The following KIFAP3 variants were observed in gnomAD, a reference collection of about 807,000 sequenced individuals.
KIFAP3 encodes kinesin-associated protein 3.
A neutral mutation model predicts 106.5 loss-of-function variants in KIFAP3; 68 were observed. The observed-to-expected ratio is 0.64, with a 90% CI of 0.53 to 0.78. The LOEUF is 0.78. Ranked by LOEUF, KIFAP3 falls within the 30% of genes least tolerant of loss-of-function variation. The pLI, the probability that KIFAP3 is intolerant of heterozygous loss-of-function variation, is 0.00. For synonymous variants in KIFAP3, 320 were observed against 311.5 expected (o/e 1.03, Z -0.29); for missense variants, 780 against 941.8 (o/e 0.83, Z 2.25).
At chr1:169,939,562 T>C (rs190079376) in intron 19 of KIFAP3, among the ~76,000 whole-genome samples, 2 of 152,312 alleles carry the variant, frequency 1.3e-5, no homozygotes, top group Admixed American at 1.3e-4. Flanking sequence ...CTTAAAGCCA[T>C]GGATCTGGAT....
At chr1:170,017,093 C>A (rs1668560365) in intron 9 of KIFAP3, among the ~76,000 whole-genome samples, 1 of 151,982 alleles carries the variant, frequency 6.6e-6, no homozygotes, top group Admixed American at 6.6e-5. Flanking sequence ...CCCATCTCGA[C>A]TAAAAATACA....
At chr1:170,041,549 G>T in intron 3 of KIFAP3, 4 of 624,650 alleles carry the variant, frequency 6.4e-6, no homozygotes, top group Non-Finnish European at 1.1e-5. Flanking sequence ...ACCCCTCGTA[G>T]GCATCTGCCT....
chr1:169,941,253 C>T (rs1209863772), intron 19 of KIFAP3, among the ~76,000 whole-genome samples: 1 of 152,006 alleles, frequency 6.6e-6, no homozygotes, highest in Non-Finnish European at 1.5e-5. Context: ...CTGAAAAGGC[C>T]CTGTGAGTGC....
intron 17 of KIFAP3, among the ~76,000 whole-genome samples, chr1:169,968,518 C>A (rs935208714): frequency 6.6e-6 from 1 of 151,896 alleles, no homozygotes; most frequent in Admixed American, 6.6e-5. Flanking sequence ...ATTTTTCATA[C>A]TAAATTAAAG....
At chr1:170,062,709 A>G (rs989125926) in intron 1 of KIFAP3, among the ~76,000 whole-genome samples, 1 of 152,060 alleles carries the variant, frequency 6.6e-6, no homozygotes, top group Non-Finnish European at 1.5e-5. Flanking sequence ...TAGAAGTCAT[A>G]GTCAAGCACA....
In KIFAP3 at chr1:169,928,637, C is replaced by T. The variant is rs748084112; in HGVS notation, c.2274-6856G>A. Among the ~76,000 whole-genome samples, 25 of 134,210 alleles carry T rather than the reference C, an allele frequency of 1.9e-4. No homozygotes were observed. The South Asian group carries it at 5.6e-3, about 30-fold the overall frequency. 88.0% of individuals were successfully genotyped at this position (134,210 alleles called of 152,430 possible). ...ACTTGAGCCCAGGAGGTTGAGGCTG[C>T]AGTGAGCCATGACCGCCACTGCACT... On this transcript the variant is annotated intron_variant, in intron 19 of 19. Transcript: ENST00000361580.
At chr1:169,990,184 T>C in intron 11 of KIFAP3, 2 of 1,374,074 alleles carry the variant, frequency 1.5e-6, no homozygotes, top group African/African-American at 1.5e-5. Flanking sequence ...ACTTTACAGA[T>C]GTTTAGAGGT....
chr1:170,032,996 T>C (rs948922693), intron 7 of KIFAP3, among the ~76,000 whole-genome samples: 4 of 151,598 alleles, frequency 2.6e-5, no homozygotes, highest in African/African-American at 9.7e-5. Flanking sequence ...TGCTAAAGAG[T>C]TCCACTAGTG....
At chr1:170,001,244 GC>G (rs1255875996) in intron 10 of KIFAP3, among the ~76,000 whole-genome samples, 1 of 151,988 alleles carries the variant, frequency 6.6e-6, no homozygotes, top group Non-Finnish European at 1.5e-5. Flanking sequence ...TCAAAATAAA[GC>G]CCTTAACAAT....
chr1:170,077,875 T>A (rs1671949818), upstream of KIFAP3, among the ~76,000 whole-genome samples: 1 of 149,796 alleles, frequency 6.7e-6, no homozygotes, highest in Admixed American at 6.5e-5. Context: ...CCATTTTGTT[T>A]TTCGGTCCTG....
chr1:170,020,631 G>C (rs887645351), intron 9 of KIFAP3, among the ~76,000 whole-genome samples: 2 of 152,040 alleles, frequency 1.3e-5, no homozygotes, highest in Non-Finnish European at 2.9e-5. Context: ...GTATTTTTTA[G>C]TAGAGATGGG....
intron 8 of KIFAP3, among the ~76,000 whole-genome samples, chr1:170,024,927 A>G (rs931740116): frequency 3.9e-5 from 6 of 152,108 alleles, no homozygotes; most frequent in African/African-American, 7.2e-5. Flanking sequence ...TTAAAGGTAG[A>G]TAAGTCAGGA....
intron 19 of KIFAP3, 87 bp from the exon 20 acceptor site, chr1:169,921,868 A>C: frequency 1.1e-6 from 1 of 938,340 alleles, no homozygotes; most frequent in Non-Finnish European, 1.7e-6. Context: ...TTATACCACC[A>C]AGATTCTCTT....
intron 1 of KIFAP3, among the ~76,000 whole-genome samples, chr1:170,082,914 A>C (rs573775597): frequency 9.2e-5 from 14 of 152,200 alleles, no homozygotes; most frequent in South Asian, 2.1e-4. Flanking sequence ...CAGAGGTTGC[A>C]GTGAGCTGAG....
intron 19 of KIFAP3, among the ~76,000 whole-genome samples, chr1:169,949,467 G>A (rs1664618718): frequency 6.6e-6 from 1 of 151,934 alleles, no homozygotes. Flanking sequence ...ATGAAAATTG[G>A]ATTCCTATAA....
In KIFAP3 at chr1:170,046,653, T is replaced by C. The variant is rs562206180; in HGVS notation, c.319+59A>G. 2.4e-5 allele frequency: 31 copies of C among 1,315,376 alleles called. No individual in the cohort carries two copies. In the South Asian group the frequency reaches 4.7e-4, roughly 20 times the overall value. 81.5% of individuals were successfully genotyped at this position (1,315,376 alleles called of 1,614,324 possible). A position where few individuals can be genotyped will look rare whatever the true frequency, so the allele number is the denominator to read the frequency against. ...TAAACTTTTTTTTATAGTTGCTTGA[T>C]GAACTATAATCAAACAACTTTGGAT... On this transcript the variant is annotated intron_variant, in intron 3 of 19. Coordinates refer to ENST00000361580, the MANE Select transcript of KIFAP3 (RefSeq NM_014970.4).
chr1:170,063,324 T>C (rs1037276765), intron 1 of KIFAP3, among the ~76,000 whole-genome samples: 4 of 152,212 alleles, frequency 2.6e-5, no homozygotes, highest in Non-Finnish European at 4.4e-5. Context: ...GGACACTGAC[T>C]GACTCCACCT....
At chr1:169,929,061 C>T (rs1399421406) in intron 19 of KIFAP3, among the ~76,000 whole-genome samples, 2 of 152,056 alleles carry the variant, frequency 1.3e-5, no homozygotes, top group Non-Finnish European at 2.9e-5. Flanking sequence ...ACTACTACAT[C>T]GAGATCTAAA....
chr1:169,936,467 GTAAT>G (rs1296064258), intron 19 of KIFAP3, among the ~76,000 whole-genome samples: 4 of 151,796 alleles, frequency 2.6e-5, no homozygotes, highest in African/African-American at 9.7e-5. Flanking sequence ...TTTTAAAGAA[GTAAT>G]TAAACACTAG....
Sources: allele counts gnomAD v4.1 joint callset (sites outside exome capture counted in the v4.1 genomes callset), GRCh38; gene constraint gnomAD v4.1.1; transcripts MANE v1.5; gene names NCBI Gene and HGNC (gene_info 2026-07-23, HGNC 2026-07-21).